Variants in TENM3 observed in about 807,000 individuals in gnomAD.
TENM3 encodes teneurin-3.
In TENM3, 63 loss-of-function variants were observed where a neutral mutation model predicts 255.1. The observed-to-expected ratio is 0.25, with a 90% CI of 0.20 to 0.30. TENM3 has a LOEUF of 0.30. TENM3 is among the 10% of genes least tolerant of loss of function. TENM3 has a pLI of 1.00. For missense variants in TENM3, 2,929 were observed against 3,461.1 expected (o/e 0.85, Z 3.86); for synonymous variants, 1,306 against 1,322.3 (o/e 0.99, Z 0.27).
At chr4:182,397,350 G>A (rs190519404) in intron 3 of TENM3, among the ~76,000 whole-genome samples, 3 of 136,066 alleles carry the variant, frequency 2.2e-5, no homozygotes, top group East Asian at 2.2e-4. Context: ...GCAGTGAGCC[G>A]AGATCGCACC....
At chr4:182,653,295 C>A (rs1753485343) in intron 5 of TENM3, among the ~76,000 whole-genome samples, 1 of 152,074 alleles carries the variant, frequency 6.6e-6, no homozygotes, top group South Asian at 2.1e-4. Flanking sequence ...ATTTCATGTA[C>A]CAACAAATTC....
chr4:182,357,283 G>A (rs1291406940), intron 3 of TENM3, among the ~76,000 whole-genome samples: 5 of 151,458 alleles, frequency 3.3e-5, no homozygotes, highest in African/African-American at 1.2e-4. Flanking sequence ...GATCCCTGAG[G>A]AATCGCCACA....
chr4:181,843,644 G>T, the TENM3 span, among the ~76,000 whole-genome samples: 1 of 151,322 alleles, frequency 6.6e-6, no homozygotes, highest in Non-Finnish European at 1.5e-5. Flanking sequence ...ATAAAGTAAA[G>T]AAATGGATCT....
chr4:181,837,130 C>T, the TENM3 span, among the ~76,000 whole-genome samples: 2 of 151,970 alleles, frequency 1.3e-5, no homozygotes, highest in African/African-American at 2.4e-5. Context: ...GGTTTATCTT[C>T]ATATTTGAAG....
At chr4:182,181,510 A>G (rs768371540) in intron 1 of TENM3, among the ~76,000 whole-genome samples, 5 of 152,238 alleles carry the variant, frequency 3.3e-5, no homozygotes, top group Admixed American at 6.5e-5. Flanking sequence ...CCACCTTTTT[A>G]TAAAGTTAAT....
intron 3 of TENM3, among the ~76,000 whole-genome samples, chr4:182,479,081 TA>T (rs1250306777): frequency 1.3e-5 from 2 of 151,208 alleles, no homozygotes; most frequent in Non-Finnish European, 3.0e-5. Flanking sequence ...ATTCAGTACG[TA>T]AAATACTTTG....
At chr4:181,581,389 C>T in the TENM3 span, among the ~76,000 whole-genome samples, 100 of 152,122 alleles carry the variant, frequency 6.6e-4, no homozygotes, top group African/African-American at 2.2e-3. Context: ...TGCAGTGAGC[C>T]GAGATAGTGC....
chr4:181,961,823 G>A, the TENM3 span, among the ~76,000 whole-genome samples: 1 of 152,148 alleles, frequency 6.6e-6, no homozygotes, highest in African/African-American at 2.4e-5. Context: ...TTCTTCAAAA[G>A]AGTAAAGATA....
In TENM3 at chr4:182,688,215, G is replaced by C. The variant is rs761720913; in HGVS notation, c.2085G>C (p.Thr695=). ...CGSHGVCMGG[T]CRCEEGWTGP... The stretch of plus-strand genomic sequence containing the variant: ...CACACGGCGTTTGCATGGGGGGGAC[G>C]TGTCGCTGTGAAGAAGGCTGGACGG... Residue 695 remains threonine (T), a synonymous_variant, in exon 12 of 28, where the codon ACG becomes ACC. Transcript: ENST00000511685. 4 of 1,613,804 alleles carry C rather than the reference G, an allele frequency of 2.5e-6. No homozygotes were observed. In the Admixed American group the frequency reaches 6.7e-5, roughly 27 times the overall value.
At chr4:182,466,535 A>G (rs569807265) in intron 3 of TENM3, among the ~76,000 whole-genome samples, 113 of 146,694 alleles carry the variant, frequency 7.7e-4, no homozygotes, top group Middle Eastern at 3.4e-3. Context: ...GTCTCCCTAT[A>G]TTGCTGAGGC....
At chr4:181,640,905 T>C in the TENM3 span, among the ~76,000 whole-genome samples, 1 of 152,188 alleles carries the variant, frequency 6.6e-6, no homozygotes, top group Non-Finnish European at 1.5e-5. Flanking sequence ...ATGTCAAGAA[T>C]TCCATAGAAA....
At chr4:181,532,705 A>G in the TENM3 span, among the ~76,000 whole-genome samples, 1 of 152,198 alleles carries the variant, frequency 6.6e-6, no homozygotes, top group African/African-American at 2.4e-5. Flanking sequence ...TTATGAAACC[A>G]CCAAAGAGGA....
chr4:181,462,969 C>T, the TENM3 span, among the ~76,000 whole-genome samples: 4 of 152,190 alleles, frequency 2.6e-5, no homozygotes, highest in Admixed American at 6.5e-5. Flanking sequence ...TGTATCACTC[C>T]ACAGCAAACG....
chr4:181,697,521 G>A, the TENM3 span, among the ~76,000 whole-genome samples: 1 of 152,132 alleles, frequency 6.6e-6, no homozygotes, highest in Non-Finnish European at 1.5e-5. Flanking sequence ...ACCCTCCTGA[G>A]TAGCTGGGAC....
chr4:181,496,725 T>C, the TENM3 span, among the ~76,000 whole-genome samples: 1 of 152,200 alleles, frequency 6.6e-6, no homozygotes, highest in African/African-American at 2.4e-5. Flanking sequence ...GTGATTACGG[T>C]GAATGTCAAA....
chr4:181,500,450 T>C, the TENM3 span, among the ~76,000 whole-genome samples: 37 of 152,054 alleles, frequency 2.4e-4, no homozygotes, highest in African/African-American at 8.9e-4. Flanking sequence ...CAAGTCACTG[T>C]GTATTTTGTG....
the TENM3 span, chr4:182,081,611 A>C: frequency 2.0e-5 from 3 of 151,652 alleles, no homozygotes; most frequent in African/African-American, 7.3e-5. Flanking sequence ...AAAAAGAAGA[A>C]GAAGAAGAAG....
chr4:181,597,385 C>T, the TENM3 span, among the ~76,000 whole-genome samples: 2 of 152,206 alleles, frequency 1.3e-5, no homozygotes, highest in African/African-American at 2.4e-5. Context: ...GACAACTCAG[C>T]ACGTCTACTT....
At chr4:181,827,395 C>T in the TENM3 span, among the ~76,000 whole-genome samples, 43 of 152,296 alleles carry the variant, frequency 2.8e-4, no homozygotes, top group African/African-American at 9.9e-4. Context: ...TGCAAACAGT[C>T]GTGAGCAGTC....
Sources: allele counts gnomAD v4.1 joint callset (sites outside exome capture counted in the v4.1 genomes callset), GRCh38; gene constraint gnomAD v4.1.1; transcripts MANE v1.5; gene names NCBI Gene and HGNC (gene_info 2026-07-23, HGNC 2026-07-21).